Variants in PTPRM observed in about 807,000 individuals in gnomAD.
The protein encoded by PTPRM is protein tyrosine phosphatase receptor type M.
A neutral mutation model predicts 186.7 loss-of-function variants in PTPRM; 47 were observed. That is an observed-to-expected ratio of 0.25 (90% CI 0.20 to 0.32). The LOEUF (loss-of-function observed/expected upper bound fraction) is 0.32. PTPRM is among the 10% of genes least tolerant of loss of function. The pLI is 1.00. For synonymous variants in PTPRM, 668 were observed against 674.9 expected (o/e 0.99, Z 0.16); for missense variants, 1,494 against 1,865.0 (o/e 0.80, Z 3.66).
intron 19 of PTPRM, among the ~76,000 whole-genome samples, chr18:8,264,555 G>A (rs2094675990): frequency 6.6e-6 from 1 of 152,042 alleles, no homozygotes; most frequent in Non-Finnish European, 1.5e-5. Context: ...CAGATCATGA[G>A]GTCAGGAGAT....
intron 1 of PTPRM, among the ~76,000 whole-genome samples, chr18:7,727,489 CT>C (rs1015241600): frequency 1.3e-5 from 2 of 152,030 alleles, no homozygotes; most frequent in South Asian, 2.1e-4. Flanking sequence ...TGCATTCCCA[CT>C]TTTTTTTGTC....
intron 10 of PTPRM, among the ~76,000 whole-genome samples, chr18:8,087,569 T>G (rs936274539): frequency 5.9e-5 from 9 of 152,106 alleles, no homozygotes; most frequent in Non-Finnish European, 1.3e-4. Context: ...TCATCAAGAA[T>G]AAGTATTTGA....
At chr18:8,129,654 A>C (rs1173884277) in intron 13 of PTPRM, among the ~76,000 whole-genome samples, 1 of 152,188 alleles carries the variant, frequency 6.6e-6, no homozygotes, top group Non-Finnish European at 1.5e-5. Flanking sequence ...ATTATTATAA[A>C]ATACCTAGTA....
At chr18:7,900,544 G>GGT (rs533423695) in intron 3 of PTPRM, among the ~76,000 whole-genome samples, 1,749 of 150,754 alleles carry the variant, frequency 0.012, 21 homozygotes, top group African/African-American at 0.033. Flanking sequence ...TACATTAAAA[G>GGT]GTGTGTGTGT....
intron 7 of PTPRM, 125 bp from the exon 8 acceptor site, chr18:8,069,561 A>G (rs1009964527): frequency 3.6e-6 from 3 of 843,204 alleles, no homozygotes; most frequent in Non-Finnish European, 5.4e-6. Flanking sequence ...TTAGGGATTT[A>G]TTATCCAGGA....
chr18:7,763,229 CATGAAAATT>C (rs756609685), intron 1 of PTPRM, among the ~76,000 whole-genome samples: 3 of 152,182 alleles, frequency 2.0e-5, no homozygotes, highest in Admixed American at 1.3e-4. Context: ...GATCTTTAAG[CATGAAAATT>C]ATTTGGACCC....
At chr18:7,725,763 G>A (rs541872865) in intron 1 of PTPRM, among the ~76,000 whole-genome samples, 1 of 152,092 alleles carries the variant, frequency 6.6e-6, no homozygotes, top group African/African-American at 2.4e-5. Context: ...TCTCCCCTTC[G>A]CGCTGAGAGC....
intron 1 of PTPRM, among the ~76,000 whole-genome samples, chr18:7,642,418 GT>G (rs2038465038): frequency 1.3e-5 from 2 of 152,150 alleles, no homozygotes; most frequent in Non-Finnish European, 2.9e-5. Context: ...ATTCCGTGGA[GT>G]TTTTATTACA....
At position 7,568,992 on chromosome 18, in the gene PTPRM, T is replaced by G. The variant is rs1356374393; in HGVS notation, c.73+1101T>G. Among the ~76,000 whole-genome samples the G allele has an allele frequency of 6.6e-6, 1 of 152,150 alleles. No homozygotes were observed. Among genetic ancestry groups the G allele is most frequent in the African/African-American group, 2.4e-5 (1 of 41,430 alleles). ...TGGGGGCGGTGGGCTTTCTTTTTCT[T>G]TAATAAAAAAGCCTGCTCTTTGGTC... On this transcript the variant is annotated intron_variant, in intron 1 of 32. Transcript: ENST00000580170. The surrounding 1 kb of genome is among the most constrained non-coding windows in gnomAD (Gnocchi z 5.1).
chr18:7,580,139 C>A (rs1235130693), intron 1 of PTPRM, among the ~76,000 whole-genome samples: 1 of 152,162 alleles, frequency 6.6e-6, no homozygotes, highest in Non-Finnish European at 1.5e-5. Context: ...AGGATCTCTC[C>A]AATATCTTAA....
intron 14 of PTPRM, among the ~76,000 whole-genome samples, chr18:8,144,621 T>G (rs2092838409): frequency 2.0e-5 from 3 of 151,932 alleles, no homozygotes; most frequent in African/African-American, 4.8e-5. Flanking sequence ...ACAAACAAAG[T>G]TGTGTGTTAC....
intron 19 of PTPRM, among the ~76,000 whole-genome samples, chr18:8,272,279 T>C (rs1270714839): frequency 1.3e-5 from 2 of 151,864 alleles, no homozygotes; most frequent in African/African-American, 4.8e-5. Flanking sequence ...TGATCTTTAA[T>C]ATTACATTTT....
intron 22 of PTPRM, among the ~76,000 whole-genome samples, chr18:8,326,478 G>A (rs578218981): frequency 3.9e-5 from 6 of 152,174 alleles, no homozygotes; most frequent in Non-Finnish European, 7.4e-5. Context: ...AATAGCCAAG[G>A]CAATCCTAAG....
chr18:7,736,986 G>A (rs552581292), intron 1 of PTPRM, among the ~76,000 whole-genome samples: 14 of 152,274 alleles, frequency 9.2e-5, no homozygotes, highest in Middle Eastern at 6.8e-3. Flanking sequence ...TATATTTTTA[G>A]TAGAGATGGG....
At chr18:8,140,541 G>A (rs1288618242) in intron 13 of PTPRM, among the ~76,000 whole-genome samples, 2 of 149,202 alleles carry the variant, frequency 1.3e-5, no homozygotes, top group African/African-American at 5.0e-5. Context: ...TATTTTCTTG[G>A]CCATTATAAA....
intron 29 of PTPRM, among the ~76,000 whole-genome samples, chr18:8,383,333 T>TAGA (rs2095750759): frequency 2.6e-5 from 2 of 77,064 alleles, no homozygotes; most frequent in African/African-American, 1.0e-4. Flanking sequence ...AAAAAAAAGG[T>TAGA]AGATGCTACT....
intron 1 of PTPRM, among the ~76,000 whole-genome samples, chr18:7,609,338 T>C (rs529258403): frequency 7.2e-5 from 11 of 152,238 alleles, no homozygotes; most frequent in East Asian, 3.9e-4. Flanking sequence ...ATGACCTGCA[T>C]AGGGGGACAG....
At chr18:8,302,211 G>A (rs149631067) in intron 20 of PTPRM, among the ~76,000 whole-genome samples, 16 of 152,176 alleles carry the variant, frequency 1.1e-4, no homozygotes, top group African/African-American at 3.6e-4. Flanking sequence ...GAGGAGGTAT[G>A]GGAAGGCCTC....
chr18:8,256,591 C>G (rs1438435009), intron 19 of PTPRM, among the ~76,000 whole-genome samples: 1 of 152,220 alleles, frequency 6.6e-6, no homozygotes, highest in Non-Finnish European at 1.5e-5. Context: ...AAACTCTCAT[C>G]TCTTGCGCAT....
Sources: gnomAD v4.1 joint callset for allele counts (sites outside exome capture counted in the v4.1 genomes callset) on GRCh38, gnomAD v4.1.1 for gene constraint, Gnocchi (gnomAD v3.1) non-coding constraint, MANE v1.5 for transcripts, NCBI Gene and HGNC (gene_info 2026-07-23, HGNC 2026-07-21) for gene names.